Variants in SYT1 observed in about 807,000 individuals in gnomAD.
The protein encoded by SYT1 is synaptotagmin-1.
A neutral mutation model predicts 44.8 loss-of-function variants in SYT1; 8 were observed. The observed-to-expected ratio is 0.18, with a 90% CI of 0.10 to 0.32. SYT1 has a LOEUF of 0.32. SYT1 is among the 10% of genes least tolerant of loss of function. The pLI, the probability that SYT1 is intolerant of heterozygous loss-of-function variation, is 1.00. For missense variants in SYT1, 286 were observed against 509.3 expected, an observed-to-expected ratio of 0.56 and a Z score of 4.22; for synonymous variants, 154 against 188.8, an observed-to-expected ratio of 0.82 and a Z score of 1.51.
chr12:79,051,920 A>G (rs1592703175), intron 3 of SYT1, among the ~76,000 whole-genome samples: 1 of 152,056 alleles, frequency 6.6e-6, no homozygotes, highest in African/African-American at 2.4e-5. Context: ...CTGCTGTTTC[A>G]GTTACTGTAG....
intron 3 of SYT1, among the ~76,000 whole-genome samples, chr12:79,070,091 G>A (rs1353382083): frequency 6.6e-6 from 1 of 151,954 alleles, no homozygotes; most frequent in Non-Finnish European, 1.5e-5. Flanking sequence ...TATAACCAAA[G>A]CCTATTCTTT....
chr12:79,257,868 T>C (rs1325296677), intron 4 of SYT1, among the ~76,000 whole-genome samples: 2 of 152,200 alleles, frequency 1.3e-5, no homozygotes, highest in Non-Finnish European at 2.9e-5. Context: ...TTTGATATAC[T>C]GGGTTATGGC....
chr12:79,194,500 G>A (rs1223685511), intron 3 of SYT1, among the ~76,000 whole-genome samples: 3 of 151,634 alleles, frequency 2.0e-5, no homozygotes, highest in Non-Finnish European at 2.9e-5. Flanking sequence ...TCACTATGTT[G>A]CCCAGGCTAG....
At chr12:79,100,011 T>G (rs990189756) in intron 3 of SYT1, among the ~76,000 whole-genome samples, 3 of 152,168 alleles carry the variant, frequency 2.0e-5, no homozygotes, top group African/African-American at 7.2e-5. Flanking sequence ...AACACTTGAT[T>G]AAATAATTGT....
intron 8 of SYT1, among the ~76,000 whole-genome samples, chr12:79,307,195 T>C (rs1467710011): frequency 6.6e-6 from 1 of 152,164 alleles, no homozygotes. Flanking sequence ...GATTGACTTG[T>C]ACTAGTTGTA....
At chr12:79,142,941 C>A (rs900101221) in intron 3 of SYT1, among the ~76,000 whole-genome samples, 8 of 152,102 alleles carry the variant, frequency 5.3e-5, no homozygotes, top group Non-Finnish European at 7.4e-5. Context: ...GTCTCAAGTG[C>A]ATTTTAAAGT....
intron 9 of SYT1, among the ~76,000 whole-genome samples, chr12:79,385,826 G>C (rs1234735681): frequency 2.6e-4 from 39 of 152,098 alleles, no homozygotes; most frequent in Admixed American, 2.0e-3. Context: ...TGTGCCACTG[G>C]TGTCTTAGGT....
At chr12:79,337,302 A>G (rs1882136909) in intron 8 of SYT1, among the ~76,000 whole-genome samples, 1 of 152,168 alleles carries the variant, frequency 6.6e-6, no homozygotes, top group Non-Finnish European at 1.5e-5. Flanking sequence ...CTCCCTGACA[A>G]GAAGGAAAAC....
rs940513860 is a variant in SYT1 at position 79,401,623 on chromosome 12, GAAGA to G, written c.929-42448_929-42445del. Among the ~76,000 whole-genome samples, 41 of 151,812 alleles carry G rather than the reference GAAGA, an allele frequency of 2.7e-4. 1 individual carries two copies. In the East Asian group the frequency reaches 7.4e-3, roughly 27 times the overall value. On this transcript the variant is annotated intron_variant, in intron 9 of 10. Coordinates refer to ENST00000261205, the MANE Select transcript of SYT1 (RefSeq NM_005639.3). ...TTTTGATAAAGGAGATTACCACATG[GAAGA>G]ATGATATTAAAGATAATAATTAAAA... is the stretch of plus-strand genomic sequence containing the variant.
intron 4 of SYT1, among the ~76,000 whole-genome samples, chr12:79,252,628 G>C (rs371705945): frequency 2.0e-5 from 3 of 152,090 alleles, no homozygotes; most frequent in African/African-American, 7.2e-5. Context: ...AATTTTGCAG[G>C]TGCTCCTGCT....
At chr12:79,240,212 A>G (rs1239414293) in intron 4 of SYT1, among the ~76,000 whole-genome samples, 1 of 152,214 alleles carries the variant, frequency 6.6e-6, no homozygotes, top group African/African-American at 2.4e-5. Context: ...TGTATGACAG[A>G]GAACAAAAGA....
intron 1 of SYT1, among the ~76,000 whole-genome samples, chr12:78,871,501 A>G (rs866711873): frequency 1.3e-4 from 19 of 151,960 alleles, no homozygotes; most frequent in Admixed American, 8.5e-4. Context: ...CTTAGCTCCT[A>G]TGAAATACGG....
At chr12:79,221,933 C>CT (rs994955510) in intron 4 of SYT1, among the ~76,000 whole-genome samples, 6 of 151,268 alleles carry the variant, frequency 4.0e-5, no homozygotes, top group Admixed American at 6.6e-5. Flanking sequence ...TCATTAGCAA[C>CT]TTTTTTTTTA....
intron 2 of SYT1, among the ~76,000 whole-genome samples, chr12:79,040,342 G>T (rs1289185042): frequency 1.3e-5 from 2 of 152,130 alleles, no homozygotes; most frequent in African/African-American, 4.8e-5. Context: ...GTATCTCATT[G>T]TGGTTTCGAT....
At chr12:79,026,082 T>G (rs1872512104) in intron 2 of SYT1, among the ~76,000 whole-genome samples, 1 of 151,734 alleles carries the variant, frequency 6.6e-6, no homozygotes, top group Admixed American at 6.6e-5. Flanking sequence ...ATTTTATGCA[T>G]CATTTATTTG....
At chr12:79,160,002 ATACT>A (rs1870849052) in intron 3 of SYT1, among the ~76,000 whole-genome samples, 1 of 152,192 alleles carries the variant, frequency 6.6e-6, no homozygotes, top group African/African-American at 2.4e-5. Flanking sequence ...TGTTGCAAAA[ATACT>A]TACTGAGTAT....
chr12:79,402,058 T>C (rs1565943154), intron 9 of SYT1, among the ~76,000 whole-genome samples: 1 of 152,112 alleles, frequency 6.6e-6, no homozygotes, highest in Non-Finnish European at 1.5e-5. Context: ...TAAGCCAGCA[T>C]TGTTGGCCTA....
chr12:79,435,759 C>T (rs1870053217), intron 9 of SYT1, among the ~76,000 whole-genome samples: 1 of 152,104 alleles, frequency 6.6e-6, no homozygotes, highest in Non-Finnish European at 1.5e-5. Context: ...ACATTTTGGG[C>T]CTGGTAATTA....
At chr12:79,113,228 G>C (rs1250678800) in intron 3 of SYT1, among the ~76,000 whole-genome samples, 2 of 152,080 alleles carry the variant, frequency 1.3e-5, no homozygotes, top group Non-Finnish European at 2.9e-5. Context: ...TGCTAATAAT[G>C]ACCATAACAA....
Sources: allele counts gnomAD v4.1 joint callset (sites outside exome capture counted in the v4.1 genomes callset), GRCh38; gene constraint gnomAD v4.1.1; transcripts MANE v1.5; gene names NCBI Gene and HGNC (gene_info 2026-07-23, HGNC 2026-07-21).